The following ZNF540 variants were observed in gnomAD, a reference collection of about 807,000 sequenced individuals.
The protein encoded by ZNF540 is zinc finger protein 540, also known as CTD-3064H18.6.
Under a neutral mutation model 11.8 loss-of-function variants are expected in ZNF540, and 3 were observed. The observed-to-expected ratio is 0.25, with a 90% CI of 0.12 to 0.65. ZNF540 has a LOEUF of 0.65. Ranked by LOEUF, ZNF540 falls within the 30% of genes least tolerant of loss-of-function variation. ZNF540 has a pLI of 0.83. For synonymous variants in ZNF540, 247 were observed against 259.0 expected (o/e 0.95, Z 0.45); for missense variants, 709 against 793.1 (o/e 0.89, Z 1.27).
Position 37,612,848 on chromosome 19 carries a change from A to G in ZNF540, c.1568A>G (p.Tyr523Cys), listed in dbSNP as rs778319252. 3 of 1,614,020 alleles carry G rather than the reference A, an allele frequency of 1.9e-6. No homozygotes were observed. Among genetic ancestry groups the G allele is most frequent in the African/African-American group, 2.7e-5 (2 of 74,940 alleles). Residue 523 changes from tyrosine to cysteine, a missense_variant, in exon 5 of 5, where the codon TAT (tyrosine) becomes TGT (cysteine). By Grantham distance (194) the Tyr-to-Cys change is radical. Coordinates refer to ENST00000316433, the MANE Select transcript of ZNF540 (RefSeq NM_001172225.3). The part of the protein sequence containing the change: ...HQRIHTGEKP[Y>C]KCKECGKAFI... ...AGAATTCACACTGGTGAAAAGCCCT[A>G]TAAATGTAAAGAATGTGGAAAGGCC...
At chr19:37,565,645 A>G in intron 1 of ZNF540, 1 of 1,613,328 alleles carries the variant, frequency 6.2e-7, no homozygotes, top group Non-Finnish European at 8.5e-7. Context: ...GTGAACAATA[A>G]CTAAAGGCTT....
At chr19:37,602,807 C>T (rs1018539363) in intron 4 of ZNF540, among the ~76,000 whole-genome samples, 6 of 152,142 alleles carry the variant, frequency 3.9e-5, no homozygotes, top group Middle Eastern at 3.4e-3. Context: ...AGGAAAGAAG[C>T]TGGTGGTGAC....
At chr19:37,596,314 T>C (rs556951212) in intron 1 of ZNF540, among the ~76,000 whole-genome samples, 1 of 152,322 alleles carries the variant, frequency 6.6e-6, no homozygotes, top group South Asian at 2.1e-4. Flanking sequence ...TATTTGTTTG[T>C]TTTAAAGAGA....
At chr19:37,578,104 T>C (rs985263158) in intron 1 of ZNF540, among the ~76,000 whole-genome samples, 3 of 152,052 alleles carry the variant, frequency 2.0e-5, no homozygotes, top group Admixed American at 6.5e-5. Context: ...TGCCTGATGA[T>C]TTGAGGTGGA....
chr19:37,586,489 GA>G (rs1162118713), intron 1 of ZNF540: 14 of 661,430 alleles, frequency 2.1e-5, no homozygotes, highest in Middle Eastern at 3.5e-4. Flanking sequence ...ACTGTTTGGA[GA>G]GGGGAAAAGC....
chr19:37,584,949 G>GTCT (rs1476190707), intron 1 of ZNF540: 24 of 145,436 alleles, frequency 1.7e-4, no homozygotes, highest in Admixed American at 1.3e-3. Flanking sequence ...GGGCCACAGA[G>GTCT]CGAGACTCCG....
intron 1 of ZNF540, chr19:37,584,185 G>C: frequency 6.3e-7 from 1 of 1,585,526 alleles, no homozygotes; most frequent in Non-Finnish European, 8.6e-7. Context: ...ATTGAAGGAA[G>C]CAAGTAACAC....
At chr19:37,598,579 T>C (rs2044013995) in intron 2 of ZNF540, 123 bp downstream of exon 2, 1 of 1,006,362 alleles carries the variant, frequency 9.9e-7, no homozygotes, top group African/African-American at 1.6e-5. Flanking sequence ...TCCAAGCTCC[T>C]CCCATGGGCC....
At chr19:37,611,306 C>G (rs1431529729) in intron 4 of ZNF540, 1 of 378,498 alleles carries the variant, frequency 2.6e-6, no homozygotes, top group East Asian at 4.9e-5. Flanking sequence ...AGATTACAGG[C>G]ATGAGCCACC....
chr19:37,599,659 T>C lies in ZNF540; in HGVS notation c.43T>C (p.Phe15Leu), dbSNP rs770328441. 6.2e-6 allele frequency: 10 copies of C among 1,614,086 alleles called. No homozygotes were observed. Among genetic ancestry groups the C allele is most frequent in the Non-Finnish European group, 8.5e-6 (10 of 1,179,968 alleles). Reference protein sequence around the residue: ...LVTFRDVAIDFSQKEWECLDT... With the variant: ...LVTFRDVAIDLSQKEWECLDT... ...GACGTTCAGGGATGTGGCTATAGAC[T>C]TCTCTCAGAAGGAATGGGAGTGCCT... Residue 15 changes from phenylalanine (F) to leucine (L), a missense_variant, in exon 3 of 5, where the codon TTC (phenylalanine) becomes CTC (leucine). Transcript: ENST00000316433.
At chr19:37,583,949 A>G (rs2043567202) in intron 1 of ZNF540, 2 of 1,577,706 alleles carry the variant, frequency 1.3e-6, no homozygotes, top group Middle Eastern at 1.7e-4. Flanking sequence ...CAAATTCTGA[A>G]TATTACGTAG....
At chr19:37,556,057 C>T (rs1046874314) in intron 1 of ZNF540, 2 of 702,672 alleles carry the variant, frequency 2.8e-6, no homozygotes, top group Admixed American at 2.0e-5. Flanking sequence ...TTGGAGCTTC[C>T]ACATCCAGTT....
Position 37,594,941 on chromosome 19 carries a change from GACTT to G in ZNF540, c.-224_-221del, listed in dbSNP as rs1276501035. 6.6e-6 allele frequency: 1 copy of G among 152,168 alleles called. No individual in the cohort carries two copies. The highest frequency in any genetic ancestry group is 1.5e-5 in the Non-Finnish European group (1 of 68,060). 9.4% of individuals were successfully genotyped at this position (152,168 alleles called of 1,614,324 possible). On this transcript the variant is annotated 5_prime_UTR_variant, in exon 1 of 5. Coordinates refer to ENST00000316433, the MANE Select transcript of ZNF540 (RefSeq NM_001172225.3). ...TGAGGCTCCCTTGCTCGAACTGTGG[GACTT>G]ACCCTACTATGGTCCGAGCCTACCC...
intron 1 of ZNF540, among the ~76,000 whole-genome samples, chr19:37,553,113 CTTTTTTTTTTTTTTTTTT>C (rs746114598): frequency 8.8e-4 from 29 of 33,126 alleles, no homozygotes; most frequent in East Asian, 1.5e-3. Flanking sequence ...AACCTAACAT[CTTTTTTTTTTTTTTTTTT>C]TTTTTTTTTT....
chr19:37,555,356 G>T (rs541638915), intron 1 of ZNF540: 1 of 153,966 alleles, frequency 6.5e-6, no homozygotes, highest in African/African-American at 2.4e-5. Flanking sequence ...TAACAAGGGG[G>T]TTATATTGAG....
chr19:37,608,111 G>T (rs992146099), intron 4 of ZNF540, among the ~76,000 whole-genome samples: 5 of 152,098 alleles, frequency 3.3e-5, no homozygotes. Flanking sequence ...ATTCATTGTT[G>T]CTTCATATAT....
At position 37,611,753 on chromosome 19, in the gene ZNF540, T is replaced by C; in HGVS notation, c.473T>C (p.Phe158Ser). The change falls in exon 5 of 5, where the codon TTT becomes TCT. Residue 158 changes from phenylalanine to serine, a missense_variant. By Grantham distance (155) the Phe-to-Ser change is radical. Coordinates refer to ENST00000316433, the MANE Select transcript of ZNF540 (RefSeq NM_001172225.3). ...TCAACTGATAGAAAACGTCCCTCTT[T>C]TACTCTGAATCAGAGAATTCACAAT... is the stretch of plus-strand genomic sequence containing the variant. ...KMSTDRKRPSFTLNQRIHNSE... is the reference protein window; with the variant it reads ...KMSTDRKRPSSTLNQRIHNSE... The C allele has an allele frequency of 6.2e-7, 1 of 1,614,010 alleles. No homozygotes were observed. Among genetic ancestry groups the C allele is most frequent in the Non-Finnish European group, 8.5e-7 (1 of 1,179,956 alleles).
rs1322178638 is a variant in ZNF540, at chr19:37,612,655, A to G, written c.1375A>G (p.Arg459Gly). The change falls in exon 5 of 5, where the codon AGA becomes GGA. Residue 459 changes from arginine to glycine, a missense_variant. Physicochemically the swap from Arg to Gly is moderately radical, Grantham distance 125. Coordinates refer to ENST00000316433, the MANE Select transcript of ZNF540 (RefSeq NM_001172225.3). ...TCGTTCAGTCCTTACTGAACATCAG[A>G]GACTTCATACTGGTGTGAAGCCCTA... Reference protein sequence around the residue: ...MLRSVLTEHQRLHTGVKPYEC... With the variant: ...MLRSVLTEHQGLHTGVKPYEC... 6.2e-7 allele frequency: 1 copy of G among 1,614,132 alleles called. No individual in the cohort carries two copies.
intron 1 of ZNF540, chr19:37,565,527 G>C: frequency 1.9e-6 from 3 of 1,613,712 alleles, no homozygotes; most frequent in Non-Finnish European, 2.5e-6. Flanking sequence ...TCACCACTAT[G>C]AATTCTCTGA....
Sources: allele counts gnomAD v4.1 joint callset (sites outside exome capture counted in the v4.1 genomes callset), GRCh38; gene constraint gnomAD v4.1.1; transcripts MANE v1.5; gene names NCBI Gene and HGNC (gene_info 2026-07-23, HGNC 2026-07-21).